The following SRSF4 variants were observed in gnomAD, a reference collection of about 807,000 sequenced individuals.
SRSF4 encodes serine and arginine rich splicing factor 4.
A neutral mutation model predicts 48.8 loss-of-function variants in SRSF4; 12 were observed. The ratio of observed to expected loss-of-function variants is 0.25; its 90% CI spans 0.16 to 0.40. The LOEUF is 0.40. Ranked by LOEUF, SRSF4 falls within the 10% of genes least tolerant of loss-of-function variation. The pLI is 1.00. For missense variants in SRSF4, 466 were observed against 667.1 expected (o/e 0.70, Z 3.32); for synonymous variants, 248 against 232.5 (o/e 1.07, Z -0.61).
At chr1:29,166,772 C>T (rs1473894028) in intron 1 of SRSF4, 1 of 152,218 alleles carries the variant, frequency 6.6e-6, no homozygotes, top group Non-Finnish European at 1.5e-5. Flanking sequence ...CTTCAGGGCT[C>T]ACCATTACCC....
At chr1:29,164,603 T>C (rs905340824) in intron 1 of SRSF4, among the ~76,000 whole-genome samples, 1 of 152,196 alleles carries the variant, frequency 6.6e-6, no homozygotes, top group African/African-American at 2.4e-5. Context: ...TAAATTTCTC[T>C]AATTCTAACA....
At chr1:29,156,700 C>T (rs1672505052) in intron 3 of SRSF4, among the ~76,000 whole-genome samples, 1 of 152,180 alleles carries the variant, frequency 6.6e-6, no homozygotes, top group Admixed American at 6.6e-5. Context: ...CCTGAAGGTA[C>T]AGACATGTAG....
intron 2 of SRSF4, 147 bp from the exon 3 acceptor site, chr1:29,159,633 T>C (rs966108843): frequency 1.2e-4 from 57 of 467,432 alleles, no homozygotes; most frequent in Non-Finnish European, 1.9e-4. Context: ...AATTCTAAAA[T>C]AGATTTTTAA....
In SRSF4 at chr1:29,152,484, C is replaced by CTT. The variant is rs576276619; in HGVS notation, c.578+2211_578+2212insAA. On this transcript the variant is annotated intron_variant, in intron 4 of 5. Coordinates refer to ENST00000373795, the MANE Select transcript of SRSF4 (RefSeq NM_005626.5). ...CACTACTCTTCCATTCTTGCTCTGG[C>CTT]CTAATGGTCAGTATATCTGGTCCTT... 2.2e-4 allele frequency among the ~76,000 whole-genome samples: 34 copies of CTT among 152,276 alleles called. No homozygotes were observed. In the South Asian group the frequency reaches 6.7e-3, roughly 30 times the overall value.
Position 29,154,746 on chromosome 1 carries a change from C to T in SRSF4, c.528G>A (p.Lys176=). The T allele has an allele frequency of 6.2e-7, 1 of 1,614,230 alleles. No homozygotes were observed. Among genetic ancestry groups the T allele is most frequent in the Non-Finnish European group, 8.5e-7 (1 of 1,180,040 alleles). ...NGRKIRLVED[K]PGSRRRRSYS... ...AGGACCGGCGTCGTCTGGAACCTGGCTTGTCTTCAACTAATCTGATTTTTC... is the reference window on the plus strand; with the variant it reads ...AGGACCGGCGTCGTCTGGAACCTGGTTTGTCTTCAACTAATCTGATTTTTC... Residue 176 remains lysine (K), a synonymous_variant, in exon 4 of 6, where the codon AAG becomes AAA. Transcript: ENST00000373795.
intron 1 of SRSF4, among the ~76,000 whole-genome samples, chr1:29,174,716 C>T (rs1451274762): frequency 6.7e-6 from 1 of 148,862 alleles, no homozygotes; most frequent in African/African-American, 2.5e-5. Context: ...GCTCCATCAC[C>T]AGGCTGGAGT....
intron 1 of SRSF4, among the ~76,000 whole-genome samples, chr1:29,175,694 C>CA (rs60942124): frequency 0.14 from 5,364 of 38,496 alleles, 1,396 homozygotes; most frequent in African/African-American, 0.31. Flanking sequence ...GACGCTGTCT[C>CA]AAAAAAAAAA....
chr1:29,175,694 C>CAAAAA (rs60942124), intron 1 of SRSF4, among the ~76,000 whole-genome samples: 427 of 38,454 alleles, frequency 0.011, 50 homozygotes, highest in East Asian at 0.032. Context: ...GACGCTGTCT[C>CAAAAA]AAAAAAAAAA....
In SRSF4 at chr1:29,148,752, G is replaced by A. The variant is rs1188511954; in HGVS notation, c.1143C>T (p.Gly381=). 1 of 1,613,434 alleles carries A rather than the reference G, an allele frequency of 6.2e-7. No homozygotes were observed. Among genetic ancestry groups the A allele is most frequent in the East Asian group, 2.2e-5 (1 of 44,854 alleles). The part of the protein sequence containing the change: ...RSKSERSRKR[G]SKRDSKAGSS... ...TGCCCGCCTTGCTGTCTCGCTTGCT[G>A]CCTCGCTTTCTGCTCCTCTCACTCT... is the stretch of plus-strand genomic sequence containing the variant. The change falls in exon 6 of 6, where the codon GGC becomes GGT. Residue 381 remains glycine, a synonymous_variant. Transcript: ENST00000373795.
intron 5 of SRSF4, 54 bp from the exon 6 acceptor site, chr1:29,149,280 A>G (rs1672365197): frequency 6.3e-7 from 1 of 1,575,674 alleles, no homozygotes; most frequent in Non-Finnish European, 8.6e-7. Context: ...GCTAATCAGG[A>G]GATAAAAAGA....
chr1:29,159,370 A>G lies in SRSF4; in HGVS notation c.363+4T>C, dbSNP rs757730457. 6.2e-7 allele frequency: 1 copy of G among 1,611,102 alleles called. No homozygotes were observed. The highest frequency in any genetic ancestry group is 1.1e-5 in the South Asian group (1 of 90,898). ...TTACCCCAAAAGGTTAATGGGGCCC[A>G]AACCTTTAGGTCTTGCCAGCTGCAC... On this transcript the variant is annotated splice_donor_region_variant and intron_variant, in intron 3 of 5. Coordinates refer to ENST00000373795, the MANE Select transcript of SRSF4 (RefSeq NM_005626.5).
In SRSF4 at chr1:29,149,067, C is replaced by G; in HGVS notation, c.828G>C (p.Lys276Asn). Reference protein sequence around the residue: ...RSKSKDQAEEKIQNNDNVGKP... With the variant: ...RSKSKDQAEENIQNNDNVGKP... ...TCCCGACATTGTCATTGTTTTGGAT[C>G]TTCTCTTCAGCTTGGTCTTTGCTCT... is the stretch of plus-strand genomic sequence containing the variant. Residue 276 changes from lysine (K) to asparagine (N), a missense_variant, in exon 6 of 6, where the codon AAG (lysine) becomes AAC (asparagine). Lys to Asn is a moderately conservative substitution (Grantham distance 94). This residue lies in a region of SRSF4 where 402 missense variants were observed against 437.0 expected (regional missense o/e 0.92). Transcript: ENST00000373795. 1 of 1,613,756 alleles carries G rather than the reference C, an allele frequency of 6.2e-7. No individual in the cohort carries two copies. The highest frequency in any genetic ancestry group is 2.2e-5 in the East Asian group (1 of 44,820).
At position 29,147,950 on chromosome 1, in the gene SRSF4, C is replaced by T. The variant is rs538303712; in HGVS notation, c.*460G>A. ...ATCAATTTTCCTCGACTGTGCTATT[C>T]ACAACTTTGTTAAGTCCAAAAATAT... On this transcript the variant is annotated 3_prime_UTR_variant, in exon 6 of 6. Coordinates refer to ENST00000373795, the MANE Select transcript of SRSF4 (RefSeq NM_005626.5). The T allele has an allele frequency of 9.9e-6, 4 of 402,616 alleles. No homozygotes were observed. The highest frequency in any genetic ancestry group is 2.0e-5 in the Non-Finnish European group (4 of 197,888). 24.9% of individuals were successfully genotyped at this position (402,616 alleles called of 1,614,324 possible).
At chr1:29,164,507 CTATTA>C (rs1431842616) in intron 1 of SRSF4, among the ~76,000 whole-genome samples, 6 of 152,196 alleles carry the variant, frequency 3.9e-5, no homozygotes, top group African/African-American at 1.4e-4. Flanking sequence ...TGTATACATA[CTATTA>C]TATGTATGCA....
chr1:29,172,691 A>C (rs1364714920), intron 1 of SRSF4: 3 of 152,180 alleles, frequency 2.0e-5, no homozygotes, highest in Admixed American at 6.6e-5. Context: ...GCTTTTCTGG[A>C]AAGTTATTTG....
At position 29,148,892 on chromosome 1, in the gene SRSF4, T is replaced by TGCTCCG; in HGVS notation, c.997_1002dup (p.Arg335_Ser336dup). The stretch of plus-strand genomic sequence containing the variant: ...CGGCTCCTGCTGCCCCCTTTGCTCC[T>TGCTCCG]GCTCCGGCTCCGACTCTGGCGGAGG... On this transcript the variant is annotated inframe_insertion, in exon 6 of 6. Transcript: ENST00000373795. 6.2e-7 allele frequency: 1 copy of TGCTCCG among 1,611,210 alleles called. No individual in the cohort carries two copies. Among genetic ancestry groups the TGCTCCG allele is most frequent in the Non-Finnish European group, 8.5e-7 (1 of 1,177,986 alleles).
rs751360422 is a variant in SRSF4 at position 29,148,655 on chromosome 1, C to T, written c.1240G>A (p.Glu414Lys). The part of the protein sequence containing the change: ...SRSPSRSVSK[E>K]REHAKSESSQ... ...GATTCAGACTTGGCATGTTCCCGCT[C>T]CTTTGACACGGAGCGGGATGGAGAT... Residue 414 changes from glutamate to lysine, a missense_variant, in exon 6 of 6, where the codon GAG (glutamate) becomes AAG (lysine). Around this residue, in one of 2 missense-constraint regions of SRSF4, gnomAD observed 402 missense variants for 437.0 expected, o/e 0.92. Transcript: ENST00000373795. 1 of 1,614,160 alleles carries T rather than the reference C, an allele frequency of 6.2e-7. No individual in the cohort carries two copies. Among genetic ancestry groups the T allele is most frequent in the Admixed American group, 1.7e-5 (1 of 60,016 alleles).
Position 29,149,043 on chromosome 1 carries a change from C to T in SRSF4, c.852G>A (p.Gly284=), listed in dbSNP as rs1672358134. The T allele has an allele frequency of 6.2e-7, 1 of 1,613,418 alleles. No homozygotes were observed. Among genetic ancestry groups the T allele is most frequent in the Non-Finnish European group, 8.5e-7 (1 of 1,179,932 alleles). ...TGCTAGGACTCCGGCTCTTGGGTTT[C>T]CCGACATTGTCATTGTTTTGGATCT... is the stretch of plus-strand genomic sequence containing the variant. ...EEKIQNNDNV[G]KPKSRSPSRH... is the part of the protein sequence containing the mutation. Residue 284 remains glycine (G), a synonymous_variant, in exon 6 of 6, where the codon GGG becomes GGA. Coordinates refer to ENST00000373795, the MANE Select transcript of SRSF4 (RefSeq NM_005626.5).
At chr1:29,164,296 T>G (rs1470566068) in intron 1 of SRSF4, among the ~76,000 whole-genome samples, 2 of 152,240 alleles carry the variant, frequency 1.3e-5, no homozygotes. Context: ...TTTAAACACT[T>G]TTAACTGTTC....
Sources: allele counts gnomAD v4.1 joint callset (sites outside exome capture counted in the v4.1 genomes callset), GRCh38; gene constraint gnomAD v4.1.1; regional missense constraint gnomAD v4.1.1; transcripts MANE v1.5; gene names NCBI Gene and HGNC (gene_info 2026-07-23, HGNC 2026-07-21).